Variants in CLSTN2 observed in about 807,000 individuals in gnomAD.
The protein encoded by CLSTN2 is calsyntenin 2, also known as calsyntenin-2.
A neutral mutation model predicts 101.2 loss-of-function variants in CLSTN2; 48 were observed. The observed-to-expected ratio is 0.47, with a 90% CI of 0.38 to 0.60. The LOEUF (loss-of-function observed/expected upper bound fraction) is 0.60. Ranked by LOEUF, CLSTN2 falls within the 20% of genes least tolerant of loss-of-function variation. CLSTN2 has a pLI of 0.00. For synonymous variants in CLSTN2, 481 were observed against 463.6 expected (o/e 1.04, Z -0.48); for missense variants, 1,160 against 1,238.2 (o/e 0.94, Z 0.95).
chr3:140,156,593 T>A (rs968086596), intron 1 of CLSTN2, among the ~76,000 whole-genome samples: 1 of 152,158 alleles, frequency 6.6e-6, no homozygotes, highest in Non-Finnish European at 1.5e-5. Flanking sequence ...TGCCATGCCA[T>A]CCATGGGTTG....
chr3:140,159,777 A>G (rs1435117608), intron 1 of CLSTN2, among the ~76,000 whole-genome samples: 1 of 152,180 alleles, frequency 6.6e-6, no homozygotes, highest in African/African-American at 2.4e-5. Flanking sequence ...GCCTATCAAC[A>G]GTAGATTGGA....
chr3:140,403,295 G>A (rs776782248), intron 2 of CLSTN2, among the ~76,000 whole-genome samples: 11 of 152,116 alleles, frequency 7.2e-5, no homozygotes, highest in Non-Finnish European at 1.5e-4. Context: ...AGTGGGGGAG[G>A]TAGAGGGAAT....
rs550983899 is a variant in CLSTN2 at position 140,154,917 on chromosome 3, T to A, written c.110-21034T>A. ...CCTCAGCCTGGGAAGTACCACACTT[T>A]TAAACCATCATATCTCATGAGAACT... On this transcript the variant is annotated intron_variant, in intron 1 of 16. Coordinates refer to ENST00000458420, the MANE Select transcript of CLSTN2 (RefSeq NM_022131.3). Among the ~76,000 whole-genome samples, 14 of 152,200 alleles carry A rather than the reference T, an allele frequency of 9.2e-5. No homozygotes were observed. The South Asian group carries it at 2.9e-3, about 32-fold the overall frequency.
intron 2 of CLSTN2, among the ~76,000 whole-genome samples, chr3:140,338,611 G>A: frequency 6.6e-6 from 1 of 152,172 alleles, no homozygotes; most frequent in Non-Finnish European, 1.5e-5. Context: ...ACTCAGAATT[G>A]TCAGGTGTTG....
At chr3:140,013,547 T>C (rs1340372889) in intron 1 of CLSTN2, among the ~76,000 whole-genome samples, 2 of 152,188 alleles carry the variant, frequency 1.3e-5, no homozygotes, top group Non-Finnish European at 2.9e-5. Context: ...ATATCTCTTT[T>C]CTGAGGCTTT....
chr3:139,944,407 G>A (rs1011200147), intron 1 of CLSTN2, among the ~76,000 whole-genome samples: 1 of 152,198 alleles, frequency 6.6e-6, no homozygotes, highest in Non-Finnish European at 1.5e-5. Flanking sequence ...GGGAATCTAT[G>A]TGAAGCTCTC....
rs3792580 is a variant in CLSTN2 at position 140,205,680 on chromosome 3, T to C, written c.232+29607T>C. Among the ~76,000 whole-genome samples the C allele has an allele frequency of 3.4e-3, 477 of 139,612 alleles. 18 individuals carry two copies. The East Asian group carries it at 0.089, about 26-fold the overall frequency. The allele number at this position is 139,612 out of a possible 152,430, so 91.6% of individuals were successfully genotyped here. On this transcript the variant is annotated intron_variant, in intron 2 of 16. Coordinates refer to ENST00000458420, the MANE Select transcript of CLSTN2 (RefSeq NM_022131.3). Reference sequence around the variant, plus strand: ...CATGTTCACAATTACAGGTCTTGTATAGTTAATGAGCTCATCAGTCAAAAC... The same window carrying C: ...CATGTTCACAATTACAGGTCTTGTACAGTTAATGAGCTCATCAGTCAAAAC...
At chr3:140,225,386 G>A (rs1361301211) in intron 2 of CLSTN2, among the ~76,000 whole-genome samples, 1 of 152,152 alleles carries the variant, frequency 6.6e-6, no homozygotes, top group Non-Finnish European at 1.5e-5. Context: ...TGTTTCTCTT[G>A]CTTGTTTAAT....
At chr3:140,170,317 G>T (rs2010192632) in intron 1 of CLSTN2, among the ~76,000 whole-genome samples, 2 of 152,126 alleles carry the variant, frequency 1.3e-5, no homozygotes, top group African/African-American at 4.8e-5. Flanking sequence ...TTGCAACCCT[G>T]ATGATTTGAT....
intron 2 of CLSTN2, among the ~76,000 whole-genome samples, chr3:140,269,198 G>A (rs1387841008): frequency 6.6e-6 from 1 of 152,176 alleles, no homozygotes; most frequent in Non-Finnish European, 1.5e-5. Flanking sequence ...GAACTTAATA[G>A]TATCCTTTGG....
intron 1 of CLSTN2, among the ~76,000 whole-genome samples, chr3:139,956,417 A>G (rs1935400956): frequency 6.6e-6 from 1 of 152,196 alleles, no homozygotes; most frequent in Non-Finnish European, 1.5e-5. Flanking sequence ...TCAGTGGCCC[A>G]GCATGGTGGT....
At chr3:140,057,283 T>C (rs2008115455) in intron 1 of CLSTN2, among the ~76,000 whole-genome samples, 1 of 152,250 alleles carries the variant, frequency 6.6e-6, no homozygotes, top group African/African-American at 2.4e-5. Flanking sequence ...ATTAGTGCCA[T>C]TCTACTGATG....
chr3:140,543,787 A>C (rs939263764), intron 9 of CLSTN2, among the ~76,000 whole-genome samples: 1 of 152,250 alleles, frequency 6.6e-6, no homozygotes, highest in Admixed American at 6.5e-5. Flanking sequence ...CTTTTTATAC[A>C]GAGGTTGACA....
intron 1 of CLSTN2, among the ~76,000 whole-genome samples, chr3:140,157,794 A>G (rs192764190): frequency 1.3e-5 from 2 of 152,176 alleles, no homozygotes; most frequent in African/African-American, 2.4e-5. Flanking sequence ...AATCCAGTAG[A>G]ACATAAAAGC....
chr3:140,225,197 A>G (rs2086307719), intron 2 of CLSTN2, among the ~76,000 whole-genome samples: 2 of 152,100 alleles, frequency 1.3e-5, no homozygotes, highest in Non-Finnish European at 2.9e-5. Flanking sequence ...GCTTTATGGG[A>G]AGGGCCCTGC....
At chr3:140,479,187 C>T (rs1459091417) in intron 8 of CLSTN2, among the ~76,000 whole-genome samples, 1 of 152,124 alleles carries the variant, frequency 6.6e-6, no homozygotes, top group Non-Finnish European at 1.5e-5. Context: ...TTTTGGAATT[C>T]CTCCAAGAAG....
intron 2 of CLSTN2, among the ~76,000 whole-genome samples, chr3:140,400,132 G>A (rs1353582390): frequency 6.6e-6 from 1 of 152,040 alleles, no homozygotes; most frequent in Non-Finnish European, 1.5e-5. Context: ...TTTTGCATTT[G>A]AAACAAGTTC....
intron 9 of CLSTN2, among the ~76,000 whole-genome samples, chr3:140,542,178 T>G (rs967067149): frequency 3.9e-5 from 6 of 152,226 alleles, no homozygotes; most frequent in African/African-American, 1.2e-4. Context: ...ATCAATTGTT[T>G]GGAAATGAAT....
At chr3:140,233,932 A>G (rs1275449680) in intron 2 of CLSTN2, among the ~76,000 whole-genome samples, 1 of 152,204 alleles carries the variant, frequency 6.6e-6, no homozygotes, top group Non-Finnish European at 1.5e-5. Flanking sequence ...TCATAGATTT[A>G]TGTATTGTTT....
Sources: allele counts gnomAD v4.1 joint callset (sites outside exome capture counted in the v4.1 genomes callset), GRCh38; gene constraint gnomAD v4.1.1; transcripts MANE v1.5; gene names NCBI Gene and HGNC (gene_info 2026-07-23, HGNC 2026-07-21).